TENM4: variants seen among roughly 807,000 people sequenced by gnomAD.
TENM4 encodes teneurin-4.
In TENM4, 82 loss-of-function variants were observed where a neutral mutation model predicts 243.3. That is an observed-to-expected ratio of 0.34 (90% CI 0.28 to 0.40). The LOEUF (loss-of-function observed/expected upper bound fraction) is 0.40, where lower values mean the gene tolerates loss of function less well. Among genes scored for constraint, TENM4 ranks in the 10% least tolerant of loss-of-function variants. TENM4 has a pLI of 1.00. For synonymous variants in TENM4, 1,412 were observed against 1,456.3 expected, an observed-to-expected ratio of 0.97 and a Z score of 0.69; for missense variants, 3,138 against 3,673.3, an observed-to-expected ratio of 0.85 and a Z score of 3.77.
At chr11:78,800,044 G>A (rs566852359) in intron 15 of TENM4, among the ~76,000 whole-genome samples, 1 of 152,302 alleles carries the variant, frequency 6.6e-6, no homozygotes, top group South Asian at 2.1e-4. Flanking sequence ...GCTTTTGAAA[G>A]CGTACCATGG....
intron 2 of TENM4, among the ~76,000 whole-genome samples, chr11:79,225,752 G>A (rs1325185882): frequency 1.3e-5 from 2 of 152,128 alleles, no homozygotes; most frequent in Non-Finnish European, 2.9e-5. Context: ...CAAAGTGCTA[G>A]GATTACAGGC....
intron 1 of TENM4, among the ~76,000 whole-genome samples, chr11:79,321,653 A>G (rs892962700): frequency 6.6e-6 from 1 of 151,408 alleles, no homozygotes; most frequent in Non-Finnish European, 1.5e-5. Flanking sequence ...AAAAAAAAAA[A>G]AAAAAAAAAA....
At chr11:78,698,609 T>C (rs546862394) in intron 28 of TENM4, among the ~76,000 whole-genome samples, 1 of 152,230 alleles carries the variant, frequency 6.6e-6, no homozygotes, top group Non-Finnish European at 1.5e-5. Flanking sequence ...TCCAAATCCT[T>C]GTTAAGAAAC....
intron 2 of TENM4, among the ~76,000 whole-genome samples, chr11:79,268,264 T>G (rs1042748041): frequency 4.6e-5 from 7 of 152,342 alleles, no homozygotes; most frequent in African/African-American, 1.7e-4. Context: ...TACTCAGCTC[T>G]GCCATTGTAG....
rs769264084 is a variant in TENM4, at chr11:78,722,816, G to C, written c.3652C>G (p.Pro1218Ala). 6 of 1,614,072 alleles carry C rather than the reference G, an allele frequency of 3.7e-6. No individual in the cohort carries two copies. The South Asian group carries it at 6.6e-5, about 18-fold the overall frequency. Reference protein sequence around the residue: ...GNGRRRSISCPSCNGLADGNK... With the variant: ...GNGRRRSISCASCNGLADGNK... ...CCGTCAGCAAGGCCGTTGCAGCTGG[G>C]GCAGGAGATGCTTCTCCGGCGCCCA... The change falls in exon 24 of 34, where the codon CCC becomes GCC. Residue 1218 changes from proline to alanine, a missense_variant. Around this residue, in one of 2 missense-constraint regions of TENM4, gnomAD observed 2,467 missense variants for 3,059.1 expected, o/e 0.81. Transcript: ENST00000278550.
intron 32 of TENM4, among the ~76,000 whole-genome samples, chr11:78,665,679 T>C (rs1011114680): frequency 1.3e-5 from 2 of 152,226 alleles, no homozygotes; most frequent in African/African-American, 4.8e-5. Flanking sequence ...TGCCACTTCT[T>C]AGTGGGCCAG....
chr11:79,429,654 C>T (rs10899623), intron 1 of TENM4, among the ~76,000 whole-genome samples: 17,727 of 152,198 alleles, frequency 0.12, 1,378 homozygotes, highest in East Asian at 0.26. Context: ...AACCCAAAAC[C>T]TGTTGGCATT....
At chr11:79,229,440 T>C (rs1051908929) in intron 2 of TENM4, among the ~76,000 whole-genome samples, 1 of 152,220 alleles carries the variant, frequency 6.6e-6, no homozygotes, top group African/African-American at 2.4e-5. Flanking sequence ...GTCTATACTT[T>C]TGCTGTTTCT....
intron 2 of TENM4, among the ~76,000 whole-genome samples, chr11:79,263,800 T>C (rs1183560643): frequency 6.6e-6 from 1 of 152,110 alleles, no homozygotes; most frequent in Non-Finnish European, 1.5e-5. Flanking sequence ...CGAATACAGC[T>C]CTCCCTTGGT....
chr11:78,683,732 C>A (rs1052840440), intron 29 of TENM4, among the ~76,000 whole-genome samples: 2 of 150,832 alleles, frequency 1.3e-5, no homozygotes, highest in Admixed American at 1.3e-4. Flanking sequence ...AGAAATCACC[C>A]ATCTTCTGCG....
rs182026091 is a variant in TENM4 at position 78,946,482 on chromosome 11, G to T, written c.494-42959C>A. The stretch of plus-strand genomic sequence containing the variant: ...GAGCTCTGATGGAGATAACTAAGGA[G>T]ATGAATGTTGTTTTCATGCCTGCTC... On this transcript the variant is annotated intron_variant, in intron 6 of 33. Coordinates refer to ENST00000278550, the MANE Select transcript of TENM4 (RefSeq NM_001098816.3). Among the ~76,000 whole-genome samples the T allele has an allele frequency of 9.8e-4, 149 of 152,338 alleles. 1 individual carries two copies. The highest frequency in any genetic ancestry group is 3.3e-3 in the African/African-American group (139 of 41,580).
intron 1 of TENM4, among the ~76,000 whole-genome samples, chr11:79,374,395 T>G (rs1857848599): frequency 6.6e-6 from 1 of 152,178 alleles, no homozygotes; most frequent in African/African-American, 2.4e-5. Flanking sequence ...ACTAAGGCGA[T>G]AAACATTTTA....
intron 1 of TENM4, among the ~76,000 whole-genome samples, chr11:79,413,435 C>T (rs1200794957): frequency 6.6e-6 from 1 of 152,208 alleles, no homozygotes; most frequent in South Asian, 2.1e-4. Flanking sequence ...GCCTCCCTGG[C>T]ACGCTCCATC....
chr11:78,732,353 G>A lies in TENM4; in HGVS notation c.3101C>T (p.Ser1034Phe). 6.2e-7 allele frequency: 1 copy of A among 1,613,468 alleles called. No homozygotes were observed. The highest frequency in any genetic ancestry group is 1.1e-5 in the South Asian group (1 of 91,028). Residue 1034 changes from serine (S) to phenylalanine (F), a missense_variant, in exon 21 of 34, where the codon TCC becomes TTC. Ser to Phe is a radical substitution (Grantham distance 155). Coordinates refer to ENST00000278550, the MANE Select transcript of TENM4 (RefSeq NM_001098816.3). ...SPSPLTSFAS[S>F]CAEKGPIVPE... ...CACAATGGGGCCTTTCTCTGCACAGGAGCTGGCGAAGGACGTCAGTGGGGA... is the reference window on the plus strand; with the variant it reads ...CACAATGGGGCCTTTCTCTGCACAGAAGCTGGCGAAGGACGTCAGTGGGGA...
At chr11:78,663,410 G>T (rs1356570827) in intron 32 of TENM4, among the ~76,000 whole-genome samples, 3 of 152,280 alleles carry the variant, frequency 2.0e-5, no homozygotes, top group African/African-American at 7.2e-5. Flanking sequence ...TGGCCTAATG[G>T]GGGGAGTTTG....
intron 1 of TENM4, among the ~76,000 whole-genome samples, chr11:79,426,488 G>A (rs934463804): frequency 3.9e-5 from 6 of 152,120 alleles, no homozygotes; most frequent in African/African-American, 1.4e-4. Flanking sequence ...CGATAATATA[G>A]GCCAAATGCC....
intron 4 of TENM4, among the ~76,000 whole-genome samples, chr11:79,140,956 G>T (rs977528077): frequency 2.6e-5 from 4 of 152,028 alleles, no homozygotes; most frequent in African/African-American, 9.7e-5. Flanking sequence ...TCTACCGTCT[G>T]TGGGTGGAAA....
intron 31 of TENM4, among the ~76,000 whole-genome samples, chr11:78,671,492 C>G (rs1858324416): frequency 6.6e-6 from 1 of 152,240 alleles, no homozygotes; most frequent in Non-Finnish European, 1.5e-5. Context: ...GGCCTAGAGG[C>G]TTTATGCTGC....
chr11:79,220,023 C>T (rs773063938), intron 2 of TENM4, among the ~76,000 whole-genome samples: 11 of 152,212 alleles, frequency 7.2e-5, no homozygotes, highest in Non-Finnish European at 1.2e-4. Flanking sequence ...CCGTGGTACC[C>T]GGAGCAGTGG....
Sources: allele counts gnomAD v4.1 joint callset (sites outside exome capture counted in the v4.1 genomes callset), GRCh38; gene constraint gnomAD v4.1.1; regional missense constraint gnomAD v4.1.1; transcripts MANE v1.5; gene names NCBI Gene and HGNC (gene_info 2026-07-23, HGNC 2026-07-21).